The following TMEM67 variants were observed in gnomAD, a reference collection of about 807,000 sequenced individuals.
TMEM67 encodes the protein meckelin.
A neutral mutation model predicts 136.6 loss-of-function variants in TMEM67; 124 were observed. That is an observed-to-expected ratio of 0.91 (90% CI 0.78 to 1.05). The LOEUF (loss-of-function observed/expected upper bound fraction) is 1.05, where lower values mean the gene tolerates loss of function less well. Among genes scored for constraint, TMEM67 ranks in the 50% least tolerant of loss-of-function variants. The pLI, the probability that TMEM67 is intolerant of heterozygous loss-of-function variation, is 0.00. For synonymous variants in TMEM67, 364 were observed against 390.5 expected (o/e 0.93, Z 0.80); for missense variants, 1,107 against 1,178.4 (o/e 0.94, Z 0.89).
intron 2 of TMEM67, among the ~76,000 whole-genome samples, chr8:93,757,558 C>A (rs1386657945): frequency 6.6e-6 from 1 of 151,694 alleles, no homozygotes; most frequent in Non-Finnish European, 1.5e-5. Flanking sequence ...ATTGTTTGAA[C>A]CTGGGAGGCA....
chr8:93,755,885 A>G lies in TMEM67; in HGVS notation c.312+19A>G, dbSNP rs777205068. On this transcript the variant is annotated intron_variant, in intron 2 of 27. Coordinates refer to ENST00000453321, the MANE Select transcript of TMEM67 (RefSeq NM_153704.6). ...AAACATGGTGCGCATAATTTATTTT[A>G]AAATAACTTACCTGTAAAAAGTAGT... is the stretch of plus-strand genomic sequence containing the variant. 1 of 1,383,410 alleles carries G rather than the reference A, an allele frequency of 7.2e-7. No homozygotes were observed. The highest frequency in any genetic ancestry group is 1.2e-5 in the South Asian group (1 of 80,472). 85.7% of individuals were successfully genotyped at this position (1,383,410 alleles called of 1,614,324 possible).
At chr8:93,791,980 G>T in intron 15 of TMEM67, 1 of 157,718 alleles carries the variant, frequency 6.3e-6, no homozygotes, top group Non-Finnish European at 1.4e-5. Context: ...TCCTGTCTCA[G>T]CCTCCTGAAT....
intron 3 of TMEM67, among the ~76,000 whole-genome samples, chr8:93,763,386 A>G (rs914405592): frequency 6.6e-6 from 1 of 152,224 alleles, no homozygotes; most frequent in African/African-American, 2.4e-5. Flanking sequence ...GTATCTAAAA[A>G]CAAAATTGTG....
chr8:93,761,944 A>G (rs1416121935), intron 3 of TMEM67: 1 of 152,188 alleles, frequency 6.6e-6, no homozygotes, highest in East Asian at 1.9e-4. Context: ...AGTGGGAAAG[A>G]GACTTAATTT....
At chr8:93,814,306 A>AT (rs1165266085) in intron 26 of TMEM67, among the ~76,000 whole-genome samples, 2 of 150,994 alleles carry the variant, frequency 1.3e-5, no homozygotes, top group Non-Finnish European at 3.0e-5. Context: ...TGCGTGGCTA[A>AT]TTTTTTGTAT....
intron 9 of TMEM67, among the ~76,000 whole-genome samples, chr8:93,781,322 C>A (rs1813817053): frequency 6.6e-6 from 1 of 152,200 alleles, no homozygotes; most frequent in South Asian, 2.1e-4. Flanking sequence ...CATTGCTCAG[C>A]ACTTCACAGG....
chr8:93,802,413 G>T (rs1814907361), intron 21 of TMEM67, among the ~76,000 whole-genome samples: 1 of 152,220 alleles, frequency 6.6e-6, no homozygotes, highest in South Asian at 2.1e-4. Context: ...TCAAGGAAGG[G>T]ATCTGTTACT....
intron 11 of TMEM67, among the ~76,000 whole-genome samples, chr8:93,784,505 G>A (rs1814004489): frequency 6.6e-6 from 1 of 152,080 alleles, no homozygotes; most frequent in Non-Finnish European, 1.5e-5. Context: ...TAGACTAGTG[G>A]GCAAAACAGT....
chr8:93,804,632 C>A (rs917969169), intron 22 of TMEM67, 130 bp from the exon 23 acceptor site: 1 of 580,264 alleles, frequency 1.7e-6, no homozygotes, highest in Non-Finnish European at 3.0e-6. Flanking sequence ...CTTTATTATC[C>A]TCTTTATATA....
At chr8:93,799,068 A>G (rs892940984) in intron 20 of TMEM67, among the ~76,000 whole-genome samples, 6 of 151,834 alleles carry the variant, frequency 4.0e-5, no homozygotes, top group Non-Finnish European at 8.8e-5. Context: ...ATTCAGTATA[A>G]TCATGTAGCA....
At chr8:93,821,191 G>A (rs985601118), downstream of TMEM67, among the ~76,000 whole-genome samples, 1 of 152,172 alleles carries the variant, frequency 6.6e-6, no homozygotes, top group Non-Finnish European at 1.5e-5. Flanking sequence ...TCAATTTCAG[G>A]TAGATGCTAA....
chr8:93,777,336 T>G (rs1272226660), intron 7 of TMEM67, among the ~76,000 whole-genome samples: 2 of 152,184 alleles, frequency 1.3e-5, no homozygotes, highest in Non-Finnish European at 2.9e-5. Flanking sequence ...AAGGGTTTTT[T>G]GTGTCTCTAT....
chr8:93,808,538 TAA>T (rs1808555071), intron 23 of TMEM67, among the ~76,000 whole-genome samples: 2 of 86,288 alleles, frequency 2.3e-5, no homozygotes, highest in Non-Finnish European at 2.8e-5. Flanking sequence ...TATATATCTA[TAA>T]TCTATATATA....
chr8:93,784,363 A>G (rs773081026), intron 11 of TMEM67, among the ~76,000 whole-genome samples: 5 of 152,232 alleles, frequency 3.3e-5, no homozygotes, highest in Admixed American at 6.5e-5. Context: ...TTCACAGATG[A>G]GGAAATTATG....
chr8:93,815,396 G>A lies in TMEM67; in HGVS notation c.2856G>A (p.Leu952=). ...TGCTGTTCTTCTGTGTTGTGGATTTGGCTTGCCAAAATTTTATTTTAGCAT... is the reference window on the plus strand; with the variant it reads ...TGCTGTTCTTCTGTGTTGTGGATTTAGCTTGCCAAAATTTTATTTTAGCAT... The part of the protein sequence containing the change: ...FDLLFFCVVD[L]ACQNFILASF... Residue 952 remains leucine, a synonymous_variant, in exon 27 of 28, where the codon TTG becomes TTA. Coordinates refer to ENST00000453321, the MANE Select transcript of TMEM67 (RefSeq NM_153704.6). The A allele has an allele frequency of 6.2e-7, 1 of 1,612,908 alleles. No individual in the cohort carries two copies.
chr8:93,787,907 C>T lies in TMEM67; in HGVS notation c.1476C>T (p.Tyr492=). The T allele has an allele frequency of 6.2e-7, 1 of 1,614,050 alleles. No individual in the cohort carries two copies. Among genetic ancestry groups the T allele is most frequent in the Non-Finnish European group, 8.5e-7 (1 of 1,179,956 alleles). The change falls in exon 14 of 28, where the codon TAC becomes TAT. Residue 492 remains tyrosine, a synonymous_variant. Coordinates refer to ENST00000453321, the MANE Select transcript of TMEM67 (RefSeq NM_153704.6). ...NIYPPLITIA[Y]SDIDIKDANS... ...ACCCTCCCTTAATCACCATTGCCTA[C>T]AGTGACATTGATATCAAAGATGCCA...
At chr8:93,780,434 T>C (rs778414148) in intron 7 of TMEM67, among the ~76,000 whole-genome samples, 159 bp from the exon 8 acceptor site, 3 of 152,136 alleles carry the variant, frequency 2.0e-5, no homozygotes, top group Non-Finnish European at 4.4e-5. Flanking sequence ...AATGCAGAAA[T>C]CACCTGCCTT....
Position 93,799,604 on chromosome 8 carries a change from C to T in TMEM67, c.2101-14C>T, listed in dbSNP as rs934154309. 3.8e-6 allele frequency: 6 copies of T among 1,590,442 alleles called. No individual in the cohort carries two copies. The highest frequency in any genetic ancestry group is 5.1e-6 in the Non-Finnish European group (6 of 1,166,596). The stretch of plus-strand genomic sequence containing the variant: ...CATGTCCGTTTAAATTACTACTTTT[C>T]CTTTTTACTCCAGGTTGTGGGATTC... On this transcript the variant is annotated splice_polypyrimidine_tract_variant and intron_variant, in intron 20 of 27. Coordinates refer to ENST00000453321, the MANE Select transcript of TMEM67 (RefSeq NM_153704.6).
Position 93,781,711 on chromosome 8 carries a change from C to T in TMEM67, c.1032C>T (p.Leu344=). The T allele has an allele frequency of 6.2e-7, 1 of 1,610,134 alleles. No individual in the cohort carries two copies. ...CCTATGATATAAGAGGAAATTTTCT[C>T]AAGTGGCAAACTTTAGAAGGAGGTG... The part of the protein sequence containing the change: ...AASYDIRGNF[L]KWQTLEGGVL... The change falls in exon 10 of 28, where the codon CTC becomes CTT. Residue 344 remains leucine, a synonymous_variant. Transcript: ENST00000453321.
Sources: gnomAD v4.1 joint callset for allele counts (sites outside exome capture counted in the v4.1 genomes callset) on GRCh38, gnomAD v4.1.1 for gene constraint, MANE v1.5 for transcripts, NCBI Gene and HGNC (gene_info 2026-07-23, HGNC 2026-07-21) for gene names.